The following ZBTB7C variants were observed in gnomAD, a reference collection of about 807,000 sequenced individuals.
ZBTB7C encodes zinc finger and BTB domain containing 7C.
Under a neutral mutation model 25.7 loss-of-function variants are expected in ZBTB7C, and 8 were observed. That is an observed-to-expected ratio of 0.31 (90% confidence interval 0.18 to 0.56). The LOEUF (loss-of-function observed/expected upper bound fraction) is 0.56. Among genes scored for constraint, ZBTB7C ranks in the 20% least tolerant of loss-of-function variants. The pLI, the probability that ZBTB7C is intolerant of heterozygous loss-of-function variation, is 0.91. For missense variants in ZBTB7C, 824 were observed against 855.2 expected (o/e 0.96, Z 0.46); for synonymous variants, 394 against 369.0 (o/e 1.07, Z -0.78).
chr18:48,112,260 C>CTTTTTTTTT (rs1048802422), intron 3 of ZBTB7C, among the ~76,000 whole-genome samples: 1 of 120,048 alleles, frequency 8.3e-6, no homozygotes, highest in African/African-American at 3.1e-5. Context: ...TAATTTTTTT[C>CTTTTTTTTT]TTTTTTTTTT....
chr18:48,180,806 ATATAAT>A (rs2041898902), intron 3 of ZBTB7C, among the ~76,000 whole-genome samples: 1 of 152,182 alleles, frequency 6.6e-6, no homozygotes, highest in Non-Finnish European at 1.5e-5. Context: ...CATCACAAAG[ATATAAT>A]TATTATTACT....
chr18:48,325,431 A>G lies in ZBTB7C; in HGVS notation c.-79+12743T>C, dbSNP rs1363706928. 2.6e-5 allele frequency among the ~76,000 whole-genome samples: 4 copies of G among 152,378 alleles called. No homozygotes were observed. In the East Asian group the frequency reaches 7.7e-4, roughly 29 times the overall value. On this transcript the variant is annotated intron_variant, in intron 2 of 4. Coordinates refer to ENST00000590800, the MANE Select transcript of ZBTB7C (RefSeq NM_001318841.2). ...CACTCAGAAGCTAAATCACAGGGCT[A>G]ATATGAAACATGTGTGAAATACCCC...
At chr18:48,384,093 G>A (rs1156331138) in intron 1 of ZBTB7C, among the ~76,000 whole-genome samples, 12 of 152,186 alleles carry the variant, frequency 7.9e-5, no homozygotes. Flanking sequence ...GAGATATTCA[G>A]GGGGTCAAAT....
At chr18:48,379,212 G>A (rs2047585117) in intron 1 of ZBTB7C, among the ~76,000 whole-genome samples, 1 of 151,962 alleles carries the variant, frequency 6.6e-6, no homozygotes, top group South Asian at 2.1e-4. Context: ...CTGTTCTATT[G>A]ACCTATTTGT....
intron 2 of ZBTB7C, among the ~76,000 whole-genome samples, chr18:48,210,956 T>C (rs974364806): frequency 2.0e-5 from 3 of 152,188 alleles, no homozygotes; most frequent in Non-Finnish European, 4.4e-5. Context: ...TATAAAATTA[T>C]GCTAATGAAG....
chr18:48,250,805 A>G (rs2043830668), intron 2 of ZBTB7C, among the ~76,000 whole-genome samples: 1 of 151,554 alleles, frequency 6.6e-6, no homozygotes, highest in African/African-American at 2.4e-5. Flanking sequence ...ATCCAGTCTA[A>G]CAGTGATTAC....
At chr18:48,343,992 A>C (rs184956107) in intron 1 of ZBTB7C, among the ~76,000 whole-genome samples, 45 of 151,242 alleles carry the variant, frequency 3.0e-4, no homozygotes, top group African/African-American at 1.1e-3. Flanking sequence ...TATTTATTTA[A>C]ATTTATTTTT....
At chr18:48,245,090 G>GTATA (rs138848813) in intron 2 of ZBTB7C, among the ~76,000 whole-genome samples, 1,116 of 110,158 alleles carry the variant, frequency 0.01, 9 homozygotes, top group Non-Finnish European at 0.015. Flanking sequence ...GTGTGTGTGT[G>GTATA]TGTATATATA....
intron 3 of ZBTB7C, chr18:48,137,370 TC>T: frequency 1.0e-6 from 1 of 977,178 alleles, no homozygotes; most frequent in Non-Finnish European, 1.2e-6. Context: ...GCTTTTCTTT[TC>T]CCCTCTTTTC....
chr18:48,265,351 C>A (rs911394450), intron 2 of ZBTB7C, among the ~76,000 whole-genome samples: 61 of 152,272 alleles, frequency 4.0e-4, no homozygotes, highest in African/African-American at 1.5e-3. Flanking sequence ...CTCTTTAGTG[C>A]CTGGCTATGG....
At chr18:48,155,626 C>T (rs575329910) in intron 3 of ZBTB7C, among the ~76,000 whole-genome samples, 10 of 152,188 alleles carry the variant, frequency 6.6e-5, no homozygotes, top group East Asian at 1.9e-4. Context: ...TGAGCCACCG[C>T]GCCCGGCCAA....
Position 48,326,658 on chromosome 18 carries a change from T to C in ZBTB7C, c.-79+11516A>G, listed in dbSNP as rs192542576. ...TACTAATATGGAGGTATTTCCAAGA[T>C]GTATAGTTAAGGAAATAAGAAAGCA... On this transcript the variant is annotated intron_variant, in intron 2 of 4. Coordinates refer to ENST00000590800, the MANE Select transcript of ZBTB7C (RefSeq NM_001318841.2). 1.0e-3 allele frequency among the ~76,000 whole-genome samples: 159 copies of C among 151,952 alleles called. 1 individual carries two copies. The highest frequency in any genetic ancestry group is 3.8e-3 in the African/African-American group (156 of 41,452).
intron 2 of ZBTB7C, among the ~76,000 whole-genome samples, chr18:48,250,079 T>C (rs933960679): frequency 2.6e-5 from 4 of 152,174 alleles, no homozygotes; most frequent in Middle Eastern, 3.2e-3. Context: ...AGCTGGGACT[T>C]GACTCAGCCA....
At chr18:48,266,981 T>C (rs142394253) in intron 2 of ZBTB7C, among the ~76,000 whole-genome samples, 284 of 152,326 alleles carry the variant, frequency 1.9e-3, no homozygotes, top group Middle Eastern at 3.4e-3. Flanking sequence ...AAGGATTACA[T>C]AGCACTCTAT....
chr18:48,191,142 T>C (rs2042184482), intron 2 of ZBTB7C, among the ~76,000 whole-genome samples: 1 of 151,964 alleles, frequency 6.6e-6, no homozygotes, highest in African/African-American at 2.4e-5. Flanking sequence ...CTTGCAGAGG[T>C]GGGAGGGTAG....
intron 2 of ZBTB7C, among the ~76,000 whole-genome samples, chr18:48,216,583 A>T (rs1016984965): frequency 2.6e-5 from 4 of 152,150 alleles, no homozygotes; most frequent in African/African-American, 9.7e-5. Flanking sequence ...GGCCAGACAC[A>T]TCTCAAGCTC....
chr18:48,027,952 G>A lies in ZBTB7C; in HGVS notation c.*1308C>T, dbSNP rs1450312967. 3 of 152,222 alleles carry A rather than the reference G, an allele frequency of 2.0e-5. No individual in the cohort carries two copies. Among genetic ancestry groups the A allele is most frequent in the African/African-American group, 7.2e-5 (3 of 41,444 alleles). 9.4% of individuals were successfully genotyped at this position (152,222 alleles called of 1,614,324 possible). On this transcript the variant is annotated 3_prime_UTR_variant, in exon 5 of 5. Coordinates refer to ENST00000590800, the MANE Select transcript of ZBTB7C (RefSeq NM_001318841.2). ...AACTCACAGAGCCCTTCAAACCTCA[G>A]AGGCCTCCACCTCCCTGCACTGAGC...
At chr18:48,034,283 C>T (rs1016735556) in intron 4 of ZBTB7C, among the ~76,000 whole-genome samples, 2 of 152,084 alleles carry the variant, frequency 1.3e-5, no homozygotes, top group Non-Finnish European at 2.9e-5. Flanking sequence ...CCCCATGGTA[C>T]GCTGCCCCAC....
At position 48,215,724 on chromosome 18, in the gene ZBTB7C, C is replaced by T. The variant is rs1015093751; in HGVS notation, c.-78-29729G>A. On this transcript the variant is annotated intron_variant, in intron 2 of 4. Coordinates refer to ENST00000590800, the MANE Select transcript of ZBTB7C (RefSeq NM_001318841.2). ...ATTTAGACCTTTAAAAGGTGCTGGT[C>T]TCTCAGCTACTCTCTTCAGGATCAG... 3.5e-4 allele frequency among the ~76,000 whole-genome samples: 54 copies of T among 152,270 alleles called. 1 individual carries two copies. The highest frequency in any genetic ancestry group is 1.3e-3 in the African/African-American group (54 of 41,540).
Sources: gnomAD v4.1 joint callset for allele counts (sites outside exome capture counted in the v4.1 genomes callset) on GRCh38, gnomAD v4.1.1 for gene constraint, MANE v1.5 for transcripts, NCBI Gene and HGNC (gene_info 2026-07-23, HGNC 2026-07-21) for gene names.